Variants in ANO10 observed in about 807,000 individuals in gnomAD.
ANO10 encodes anoctamin-10.
In ANO10, 77 loss-of-function variants were observed where a neutral mutation model predicts 74.7. That is an observed-to-expected ratio of 1.03 (90% CI 0.86 to 1.25). The LOEUF (loss-of-function observed/expected upper bound fraction) is 1.25, where lower values mean the gene tolerates loss of function less well. Ranked by LOEUF, ANO10 falls within the 50% of genes most tolerant of loss-of-function variation. ANO10 has a pLI of 0.00. For missense variants in ANO10, 721 were observed against 778.1 expected (o/e 0.93, Z 0.87); for synonymous variants, 279 against 284.9 (o/e 0.98, Z 0.21).
At chr3:43,566,277 C>G (rs1204810117) in intron 7 of ANO10, among the ~76,000 whole-genome samples, 1 of 152,212 alleles carries the variant, frequency 6.6e-6, no homozygotes, top group Non-Finnish European at 1.5e-5. Context: ...CCGCCATTGC[C>G]CAGGCTTGAT....
At chr3:43,404,736 T>C (rs1009537728) in intron 12 of ANO10, among the ~76,000 whole-genome samples, 4 of 151,408 alleles carry the variant, frequency 2.6e-5, no homozygotes, top group African/African-American at 7.3e-5. Flanking sequence ...AAAAAAAAAT[T>C]AGCTGGGCAT....
In ANO10 at chr3:43,652,342, A is replaced by C. The variant is rs576320438; in HGVS notation, c.-12+39175T>G. Among the ~76,000 whole-genome samples the C allele has an allele frequency of 3.9e-5, 6 of 152,330 alleles. No individual in the cohort carries two copies. The East Asian group carries it at 1.2e-3, about 29-fold the overall frequency. On this transcript the variant is annotated intron_variant, in intron 1 of 3. Coordinates refer to the ANO10 transcript ENST00000413397. ...AATGGGATAGAATTGAGAATCCAGA[A>C]ATAAATCCTTACATTAATGGTCAAC...
At chr3:43,601,107 A>C (rs2082319833) in intron 2 of ANO10, among the ~76,000 whole-genome samples, 1 of 152,190 alleles carries the variant, frequency 6.6e-6, no homozygotes, top group Non-Finnish European at 1.5e-5. Flanking sequence ...TAATTTTCTG[A>C]AATAAGTTAC....
chr3:43,496,033 A>G (rs552525287), intron 11 of ANO10, among the ~76,000 whole-genome samples: 141 of 152,244 alleles, frequency 9.3e-4, no homozygotes, highest in Middle Eastern at 3.4e-3. Context: ...AGTAGACAGT[A>G]AGGTATATGA....
intron 1 of ANO10, among the ~76,000 whole-genome samples, chr3:43,688,794 A>G (rs1474693611): frequency 6.6e-6 from 1 of 151,918 alleles, no homozygotes; most frequent in Non-Finnish European, 1.5e-5. Context: ...TAGAGAGCCA[A>G]GATCATGCCA....
intron 7 of ANO10, among the ~76,000 whole-genome samples, chr3:43,571,751 G>A (rs1050261685): frequency 1.6e-4 from 24 of 151,166 alleles, no homozygotes; most frequent in Admixed American, 3.3e-4. Flanking sequence ...CGAGTTAGTG[G>A]GTGCAGCGCA....
chr3:43,576,696 T>C lies in ANO10; in HGVS notation c.1158A>G (p.Ser386=), dbSNP rs1294859649. The change falls in exon 6 of 13, where the codon TCA becomes TCG. Residue 386 remains serine, a synonymous_variant. Coordinates refer to ENST00000292246, the MANE Select transcript of ANO10 (RefSeq NM_018075.5). ...ATATAAAGCCTCAAGTCTTACCCCA[T>C]GAAGTTAAAAACTCGGCAGCATATC... ...LYRYAAEFLT[S]WENHRLESAY... 2 of 1,614,120 alleles carry C rather than the reference T, an allele frequency of 1.2e-6. No individual in the cohort carries two copies. The highest frequency in any genetic ancestry group is 2.2e-5 in the South Asian group (2 of 91,078).
chr3:43,374,346 C>T (rs571996087), intron 12 of ANO10, among the ~76,000 whole-genome samples: 2 of 152,308 alleles, frequency 1.3e-5, no homozygotes, highest in African/African-American at 4.8e-5. Context: ...AGGCACTGTT[C>T]TAAACACTAT....
chr3:43,566,193 G>A (rs1228423634), intron 7 of ANO10, among the ~76,000 whole-genome samples: 7 of 152,320 alleles, frequency 4.6e-5, no homozygotes, highest in East Asian at 3.9e-4. Flanking sequence ...CTACGCCCAC[G>A]GAGTCTCGCT....
At chr3:43,552,222 T>C (rs1371398538) in intron 10 of ANO10, among the ~76,000 whole-genome samples, 1 of 152,158 alleles carries the variant, frequency 6.6e-6, no homozygotes, top group African/African-American at 2.4e-5. Flanking sequence ...ATTTATAATA[T>C]ACTTGTCTTG....
At position 43,659,747 on chromosome 3, in the gene ANO10, G is replaced by A. The variant is rs150314978; in HGVS notation, c.-12+31770C>T. On this transcript the variant is annotated intron_variant, in intron 1 of 3. Transcript: ENST00000413397. ...GTGGTTCTCCCATCATGGTGTTCGA[G>A]CTCCAGTAACGGACTAAACTGCCTC... 1.4e-4 allele frequency among the ~76,000 whole-genome samples: 21 copies of A among 152,308 alleles called. No homozygotes were observed. The East Asian group carries it at 3.9e-3, about 28-fold the overall frequency.
At chr3:43,381,616 T>C (rs2091961017) in intron 12 of ANO10, among the ~76,000 whole-genome samples, 1 of 152,102 alleles carries the variant, frequency 6.6e-6, no homozygotes, top group South Asian at 2.1e-4. Flanking sequence ...AACACGATAA[T>C]AGTGGGGGAC....
At position 43,660,318 on chromosome 3, in the gene ANO10, T is replaced by C. The variant is rs140096339; in HGVS notation, c.-12+31199A>G. ...ACTTCTCCAAGCTAAAGGAGCATGT[T>C]CTAAAACATCACATGCAAGTTAAAA... On this transcript the variant is annotated intron_variant, in intron 1 of 3. Transcript: ENST00000413397. 4.7e-4 allele frequency among the ~76,000 whole-genome samples: 71 copies of C among 152,200 alleles called. No individual in the cohort carries two copies. In the East Asian group the frequency reaches 0.013, roughly 28 times the overall value.
chr3:43,610,172 T>C (rs1035980664), intron 1 of ANO10, among the ~76,000 whole-genome samples: 1 of 100,102 alleles, frequency 1.0e-5, no homozygotes, highest in South Asian at 2.9e-4. Context: ...AAGACACAAA[T>C]ACATTAACCT....
chr3:43,466,259 T>C (rs2075607811), intron 11 of ANO10, among the ~76,000 whole-genome samples: 1 of 150,224 alleles, frequency 6.7e-6, no homozygotes. Flanking sequence ...TAGTTCCAGC[T>C]ACTCGGGAGG....
intron 1 of ANO10, among the ~76,000 whole-genome samples, chr3:43,681,519 C>A (rs539473325): frequency 4.6e-5 from 7 of 151,962 alleles, no homozygotes; most frequent in Admixed American, 4.6e-4. Context: ...GACAGATCAA[C>A]GAGACAGAAA....
intron 1 of ANO10, among the ~76,000 whole-genome samples, chr3:43,662,682 AG>A (rs2083940230): frequency 6.6e-6 from 1 of 152,324 alleles, no homozygotes; most frequent in Admixed American, 6.5e-5. Flanking sequence ...AGAATCAAAT[AG>A]ATGCAATAAA....
At chr3:43,431,696 T>G (rs2092984061) in intron 12 of ANO10, among the ~76,000 whole-genome samples, 1 of 151,994 alleles carries the variant, frequency 6.6e-6, no homozygotes, top group South Asian at 2.1e-4. Flanking sequence ...GGGTTCATCC[T>G]CTTTTCCACA....
At chr3:43,566,994 T>C (rs2080392904) in intron 7 of ANO10, among the ~76,000 whole-genome samples, 1 of 152,210 alleles carries the variant, frequency 6.6e-6, no homozygotes, top group South Asian at 2.1e-4. Flanking sequence ...TTAAAGGAGC[T>C]GATGGAGCTG....
Sources: gnomAD v4.1 joint callset for allele counts (sites outside exome capture counted in the v4.1 genomes callset) on GRCh38, gnomAD v4.1.1 for gene constraint, MANE v1.5 for transcripts, NCBI Gene and HGNC (gene_info 2026-07-23, HGNC 2026-07-21) for gene names.